The following LARP1 variants were observed in gnomAD, a reference collection of about 807,000 sequenced individuals.
The protein encoded by LARP1 is la-related protein 1.
In LARP1, 36 loss-of-function variants were observed where a neutral mutation model predicts 122.7. The observed-to-expected ratio is 0.29, with a 90% confidence interval of 0.22 to 0.39. LARP1 has a LOEUF of 0.39. Among genes scored for constraint, LARP1 ranks in the 10% least tolerant of loss-of-function variants. The pLI is 1.00. For missense variants in LARP1, 1,040 were observed against 1,403.6 expected (o/e 0.74, Z 4.14); for synonymous variants, 539 against 528.7 (o/e 1.02, Z -0.27).
intron 1 of LARP1, among the ~76,000 whole-genome samples, chr5:154,713,671 A>T (rs1755338364): frequency 6.6e-6 from 1 of 152,172 alleles, no homozygotes; most frequent in Non-Finnish European, 1.5e-5. Flanking sequence ...CATGGGGTTT[A>T]TAAGGACACC....
intron 1 of LARP1, among the ~76,000 whole-genome samples, chr5:154,717,617 ATTC>A (rs1755589341): frequency 6.6e-6 from 1 of 152,174 alleles, no homozygotes; most frequent in Non-Finnish European, 1.5e-5. Context: ...CTTCACTGCT[ATTC>A]TTTGTAACAC....
rs147497213 is a variant in LARP1, at chr5:154,783,418, C to T, written c.437-6907C>T. On this transcript the variant is annotated intron_variant, in intron 1 of 18. Coordinates refer to ENST00000518297, the MANE Select transcript of LARP1 (RefSeq NM_033551.3). ...CTTGTCCAGCTGTTAGCTTAGGCTT[C>T]CCTGCAACAGGCTTTGGTTTTCCCC... is the stretch of plus-strand genomic sequence containing the variant. 9.8e-3 allele frequency among the ~76,000 whole-genome samples: 1,492 copies of T among 152,280 alleles called. 15 individuals are homozygous for T. The highest frequency in any genetic ancestry group is 0.017 in the Middle Eastern group (5 of 294).
rs565358893 is a variant in LARP1, at chr5:154,776,398, G to T, written c.437-13927G>T. ...TGGATCACTGTTGGTTCCTGGTGCTGGAGATTAGACTGGTGGGTAAAGGGA... is the reference window on the plus strand; with the variant it reads ...TGGATCACTGTTGGTTCCTGGTGCTTGAGATTAGACTGGTGGGTAAAGGGA... On this transcript the variant is annotated intron_variant, in intron 1 of 18. Coordinates refer to ENST00000518297, the MANE Select transcript of LARP1 (RefSeq NM_033551.3). 1.3e-5 allele frequency among the ~76,000 whole-genome samples: 2 copies of T among 152,286 alleles called. 1 individual carries two copies. Among genetic ancestry groups the T allele is most frequent in the Admixed American group, 1.3e-4 (2 of 15,286 alleles).
At chr5:154,704,305 T>C (rs1446368077) in intron 1 of LARP1, among the ~76,000 whole-genome samples, 1 of 152,146 alleles carries the variant, frequency 6.6e-6, no homozygotes, top group Non-Finnish European at 1.5e-5. Flanking sequence ...GCAGGTATGT[T>C]TGATTGACAG....
At chr5:154,713,233 T>A (rs1755314424) in intron 1 of LARP1, 2 of 935,094 alleles carry the variant, frequency 2.1e-6, no homozygotes, top group Non-Finnish European at 3.2e-6. Context: ...GTTCCAGCCC[T>A]GCTGTGTGAC....
At chr5:154,724,859 G>T (rs550245213) in intron 1 of LARP1, among the ~76,000 whole-genome samples, 1 of 152,168 alleles carries the variant, frequency 6.6e-6, no homozygotes, top group East Asian at 1.9e-4. Context: ...TATAGATGGG[G>T]TTTCGTCATG....
chr5:154,754,937 C>T (rs532814861), upstream of LARP1, among the ~76,000 whole-genome samples: 5 of 152,312 alleles, frequency 3.3e-5, no homozygotes, highest in African/African-American at 1.2e-4. Context: ...GACACCCAGC[C>T]TAAAGAGCAC....
At chr5:154,698,473 T>C (rs1274662926) in intron 1 of LARP1, among the ~76,000 whole-genome samples, 1 of 152,142 alleles carries the variant, frequency 6.6e-6, no homozygotes. Flanking sequence ...GGCAGGCGCC[T>C]GTAATCCCAG....
intron 1 of LARP1, among the ~76,000 whole-genome samples, chr5:154,727,127 T>C (rs76630393): frequency 0.075 from 11,359 of 152,168 alleles, 500 homozygotes; most frequent in Middle Eastern, 0.11. Flanking sequence ...ATATGTATAA[T>C]TGAAGTCCCA....
chr5:154,751,944 G>A (rs972096085), upstream of LARP1, among the ~76,000 whole-genome samples: 1 of 152,078 alleles, frequency 6.6e-6, no homozygotes, highest in African/African-American at 2.4e-5. Flanking sequence ...AAAAAAACCT[G>A]AATTCAAATC....
At chr5:154,753,126 G>C (rs1380651208), upstream of LARP1, among the ~76,000 whole-genome samples, 2 of 152,112 alleles carry the variant, frequency 1.3e-5, no homozygotes, top group Non-Finnish European at 2.9e-5. Context: ...TGTCCACACA[G>C]TGCCCTCGTA....
At chr5:154,717,922 T>C (rs533447949) in intron 1 of LARP1, among the ~76,000 whole-genome samples, 1 of 152,260 alleles carries the variant, frequency 6.6e-6, no homozygotes, top group South Asian at 2.1e-4. Flanking sequence ...TTTCATTTTC[T>C]TTTTTCTTTT....
chr5:154,719,482 T>G (rs372950119), intron 1 of LARP1, among the ~76,000 whole-genome samples: 41 of 152,198 alleles, frequency 2.7e-4, no homozygotes, highest in Non-Finnish European at 5.4e-4. Flanking sequence ...CCAATCATCC[T>G]GAAATACAAC....
chr5:154,796,139 T>G (rs1338934920), intron 8 of LARP1, among the ~76,000 whole-genome samples: 10 of 127,514 alleles, frequency 7.8e-5, no homozygotes, highest in Non-Finnish European at 3.1e-5. Flanking sequence ...ATTTTATATA[T>G]TTATATATTA....
chr5:154,739,242 G>A (rs916442136), intron 1 of LARP1, among the ~76,000 whole-genome samples: 2 of 151,972 alleles, frequency 1.3e-5, no homozygotes, highest in Admixed American at 6.6e-5. Flanking sequence ...GGATGGTCTC[G>A]ATCTCCTGAC....
At chr5:154,712,416 C>T (rs1043196342), upstream of LARP1, among the ~76,000 whole-genome samples, 4 of 152,144 alleles carry the variant, frequency 2.6e-5, no homozygotes, top group African/African-American at 9.7e-5. Flanking sequence ...CCCTCTCTGT[C>T]GACCTTCCTT....
chr5:154,747,365 C>T (rs186707410), intron 1 of LARP1, among the ~76,000 whole-genome samples: 2 of 149,814 alleles, frequency 1.3e-5, no homozygotes, highest in Non-Finnish European at 3.0e-5. Context: ...GTCAGGAGTT[C>T]GAGACCAGCC....
In LARP1 at chr5:154,803,140, A is replaced by G. The variant is rs549175893; in HGVS notation, c.2110-150A>G. ...AAGGTAACTGGGGTGAGGAATGGTG[A>G]CTGGGCAGCTGAGAGCCTGGGGACC... On this transcript the variant is annotated intron_variant, in intron 11 of 18. Transcript: ENST00000518297. This position sits in a 1 kb window ranked among gnomAD's most constrained non-coding sequence, Gnocchi z 4.4. The G allele has an allele frequency of 7.2e-4, 715 of 999,404 alleles. 3 individuals carry two copies. The highest frequency in any genetic ancestry group is 3.7e-3 in the South Asian group (247 of 66,870). 61.9% of individuals were successfully genotyped at this position (999,404 alleles called of 1,614,324 possible).
chr5:154,710,627 C>T (rs1038090726), upstream of LARP1, among the ~76,000 whole-genome samples: 4 of 151,378 alleles, frequency 2.6e-5, no homozygotes, highest in Admixed American at 6.6e-5. Context: ...CCTATAATCC[C>T]AGCTACTCAG....
Sources: allele counts gnomAD v4.1 joint callset (sites outside exome capture counted in the v4.1 genomes callset), GRCh38; gene constraint gnomAD v4.1.1; non-coding constraint Gnocchi (gnomAD v3.1); transcripts MANE v1.5; gene names NCBI Gene and HGNC (gene_info 2026-07-23, HGNC 2026-07-21).